Variants in SLC4A4 observed in about 807,000 individuals in gnomAD.
The protein encoded by SLC4A4 is electrogenic sodium bicarbonate cotransporter 1.
SLC4A4 carries 27 observed loss-of-function variants against 111.5 expected under a neutral mutation model. The ratio of observed to expected loss-of-function variants is 0.24; its 90% CI spans 0.18 to 0.33. The LOEUF is 0.33. Among genes scored for constraint, SLC4A4 ranks in the 10% least tolerant of loss-of-function variants. The probability of loss-of-function intolerance (pLI) is 1.00; values close to 1 mark genes in which losing one functional copy is unlikely to be tolerated. For synonymous variants in SLC4A4, 443 were observed against 463.4 expected (o/e 0.96, Z 0.57); for missense variants, 909 against 1,315.5 (o/e 0.69, Z 4.78).
intron 8 of SLC4A4, 125 bp downstream of exon 8, chr4:71,440,898 A>C: frequency 1.9e-6 from 2 of 1,079,034 alleles, no homozygotes; most frequent in South Asian, 2.6e-5. Flanking sequence ...TTAACTTGAA[A>C]TAATGACTGT....
rs776155382 is a variant in SLC4A4 at position 71,381,920 on chromosome 4, G to GT, written c.731-15655dup. Among the ~76,000 whole-genome samples the GT allele has an allele frequency of 5.7e-4, 87 of 152,278 alleles. 1 individual carries two copies. Among genetic ancestry groups the GT allele is most frequent in the African/African-American group, 2.0e-3 (85 of 41,564 alleles). ...GTGAGAAGTGCTTGTAGAGAGAGTG[G>GT]TTCACATCTGAAGGAGGAGAATGAG... On this transcript the variant is annotated intron_variant, in intron 6 of 25. Transcript: ENST00000264485.
chr4:71,198,443 G>A (rs1453151081), intron 1 of SLC4A4, among the ~76,000 whole-genome samples: 4 of 152,176 alleles, frequency 2.6e-5, no homozygotes, highest in African/African-American at 9.7e-5. Context: ...TCCTTTGAGG[G>A]TTTGGTCTTG....
At chr4:71,203,682 A>G (rs1424208691) in intron 1 of SLC4A4, among the ~76,000 whole-genome samples, 6 of 152,218 alleles carry the variant, frequency 3.9e-5, no homozygotes, top group Non-Finnish European at 7.3e-5. Context: ...ACATATTGTA[A>G]GAAGGAAAAT....
chr4:71,167,840 A>G (rs1744823244), intron 2 of SLC4A4, among the ~76,000 whole-genome samples: 2 of 152,272 alleles, frequency 1.3e-5, no homozygotes, highest in African/African-American at 4.8e-5. Flanking sequence ...TCTTACATCT[A>G]ATGTGTCAAC....
At chr4:71,097,794 T>C (rs1024458198) in intron 2 of SLC4A4, among the ~76,000 whole-genome samples, 1 of 152,196 alleles carries the variant, frequency 6.6e-6, no homozygotes, top group East Asian at 1.9e-4. Context: ...GAGCTTTTTT[T>C]CATAGGATTG....
At chr4:71,102,086 G>A (rs1205096862) in intron 2 of SLC4A4, among the ~76,000 whole-genome samples, 2 of 152,086 alleles carry the variant, frequency 1.3e-5, no homozygotes, top group Non-Finnish European at 2.9e-5. Context: ...AGGAGCTGAT[G>A]GAGCTGAAAA....
At chr4:71,374,178 A>T (rs1732133776) in intron 6 of SLC4A4, among the ~76,000 whole-genome samples, 1 of 152,112 alleles carries the variant, frequency 6.6e-6, no homozygotes, top group African/African-American at 2.4e-5. Context: ...TGCCCAGTGA[A>T]TTTTGAGCAT....
chr4:71,560,313 TC>T, intron 23 of SLC4A4, 59 bp downstream of exon 23: 1 of 1,534,674 alleles, frequency 6.5e-7, no homozygotes, highest in Middle Eastern at 2.0e-4. Flanking sequence ...GTGAAAATTG[TC>T]CCTTTTTATA....
intron 1 of SLC4A4, among the ~76,000 whole-genome samples, chr4:71,214,929 T>C (rs1178033570): frequency 6.6e-6 from 1 of 152,232 alleles, no homozygotes; most frequent in Non-Finnish European, 1.5e-5. Flanking sequence ...GCTTTATGCA[T>C]TCTATACTGG....
intron 3 of SLC4A4, among the ~76,000 whole-genome samples, chr4:71,271,932 A>T (rs1177522876): frequency 6.6e-6 from 1 of 152,216 alleles, no homozygotes; most frequent in Non-Finnish European, 1.5e-5. Flanking sequence ...CCATTTAATG[A>T]TAAGGAAACT....
intron 2 of SLC4A4, among the ~76,000 whole-genome samples, chr4:71,101,785 A>G (rs898738322): frequency 6.6e-6 from 1 of 152,056 alleles, no homozygotes; most frequent in Non-Finnish European, 1.5e-5. Flanking sequence ...CACCATCATC[A>G]AAGACCAAAA....
intron 16 of SLC4A4, among the ~76,000 whole-genome samples, chr4:71,501,233 GA>G (rs1484894234): frequency 6.6e-6 from 1 of 151,782 alleles, no homozygotes; most frequent in East Asian, 1.9e-4. Flanking sequence ...GTGGGATTGT[GA>G]TTTTTTTTTC....
chr4:71,496,965 T>A (rs750050414), intron 15 of SLC4A4, among the ~76,000 whole-genome samples: 1 of 152,164 alleles, frequency 6.6e-6, no homozygotes, highest in Non-Finnish European at 1.5e-5. Context: ...ATTTTTATAC[T>A]TTAATTGCTT....
intron 14 of SLC4A4, among the ~76,000 whole-genome samples, chr4:71,478,636 A>T (rs1450247491): frequency 6.6e-6 from 1 of 151,874 alleles, no homozygotes; most frequent in Non-Finnish European, 1.5e-5. Flanking sequence ...GAGGGAGAGC[A>T]TTAGGAGAAA....
At chr4:71,311,928 A>AGAGAGG (rs1560400550) in intron 3 of SLC4A4, among the ~76,000 whole-genome samples, 16 of 150,886 alleles carry the variant, frequency 1.1e-4, no homozygotes. Flanking sequence ...AGAGAGAGAG[A>AGAGAGG]GAGAGAAGGA....
At chr4:71,287,820 C>T (rs753382786) in intron 3 of SLC4A4, among the ~76,000 whole-genome samples, 17 of 152,034 alleles carry the variant, frequency 1.1e-4, no homozygotes, top group Non-Finnish European at 2.5e-4. Flanking sequence ...TGACTCTGGA[C>T]TAGAAGTCAA....
chr4:71,272,100 C>G (rs1313695377), intron 3 of SLC4A4, among the ~76,000 whole-genome samples: 1 of 152,188 alleles, frequency 6.6e-6, no homozygotes, highest in East Asian at 1.9e-4. Context: ...TAACTAAATG[C>G]AAGTATATAT....
intron 2 of SLC4A4, among the ~76,000 whole-genome samples, chr4:71,242,363 A>G (rs1720313885): frequency 6.6e-6 from 1 of 152,120 alleles, no homozygotes; most frequent in Admixed American, 6.5e-5. Context: ...GGGAGTCTCT[A>G]TTGTTTATTT....
chr4:71,091,493 T>G (rs977381476), intron 1 of SLC4A4, among the ~76,000 whole-genome samples: 3 of 152,066 alleles, frequency 2.0e-5, no homozygotes, highest in African/African-American at 7.2e-5. Context: ...GACCTCATGA[T>G]CTGCTTGTCT....
Sources: gnomAD v4.1 joint callset for allele counts (sites outside exome capture counted in the v4.1 genomes callset) on GRCh38, gnomAD v4.1.1 for gene constraint, MANE v1.5 for transcripts, NCBI Gene and HGNC (gene_info 2026-07-23, HGNC 2026-07-21) for gene names.